The following TTLL4 variants were observed in gnomAD, a reference collection of about 807,000 sequenced individuals.
TTLL4 encodes tubulin tyrosine ligase like 4, also known as tubulin monoglutamylase TTLL4.
TTLL4 carries 85 observed loss-of-function variants against 122.7 expected under a neutral mutation model. The observed-to-expected ratio is 0.69, with a 90% confidence interval of 0.58 to 0.83. TTLL4 has a LOEUF of 0.83. TTLL4 is among the 40% of genes least tolerant of loss of function. TTLL4 has a pLI of 0.00. For missense variants in TTLL4, 1,363 were observed against 1,488.6 expected (o/e 0.92, Z 1.39); for synonymous variants, 553 against 563.0 (o/e 0.98, Z 0.25).
Position 218,722,698 on chromosome 2 carries a change from A to G in TTLL4, c.-177-4571A>G, listed in dbSNP as rs147016984. Among the ~76,000 whole-genome samples, 87 of 152,366 alleles carry G rather than the reference A, an allele frequency of 5.7e-4. No homozygotes were observed. In the East Asian group the frequency reaches 0.016, roughly 28 times the overall value. On this transcript the variant is annotated intron_variant, in intron 1 of 19. Transcript: ENST00000392102. ...GATGATCTTAAGCTGTGTTTTAAAA[A>G]GAGTACTGTGTTTTGAAAAAGTAGC...
Position 218,745,711 on chromosome 2 carries a change from C to G in TTLL4, c.1807C>G (p.Gln603Glu), listed in dbSNP as rs1317164832. The change falls in exon 7 of 20, where the codon CAG (glutamine) becomes GAG (glutamate). Residue 603 changes from glutamine (Q) to glutamate (E), a missense_variant. Coordinates refer to ENST00000392102, the MANE Select transcript of TTLL4 (RefSeq NM_014640.5). ...CCCAGTGGAGAAACTTCCCTGGGAACAGAGGAAGTTGCTCCGATGGAAGAT... is the reference window on the plus strand; with the variant it reads ...CCCAGTGGAGAAACTTCCCTGGGAAGAGAGGAAGTTGCTCCGATGGAAGAT... ...DERVEKLPWE[Q>E]RKLLRWKMST... is the part of the protein sequence containing the mutation. 2 of 1,612,210 alleles carry G rather than the reference C, an allele frequency of 1.2e-6. No individual in the cohort carries two copies. The highest frequency in any genetic ancestry group is 3.3e-5 in the Admixed American group (2 of 59,748).
At chr2:218,749,023 C>T (rs1006482006) in intron 13 of TTLL4, 89 bp downstream of exon 13, 17 of 1,449,084 alleles carry the variant, frequency 1.2e-5, no homozygotes, top group Admixed American at 1.9e-5. Context: ...TGGACTTTGG[C>T]CATGCTGTGG....
intron 15 of TTLL4, among the ~76,000 whole-genome samples, chr2:218,751,049 G>C (rs1051756575): frequency 6.6e-6 from 1 of 152,132 alleles, no homozygotes; most frequent in African/African-American, 2.4e-5. Flanking sequence ...AGCTCTTTGG[G>C]ATTAAGTAGC....
intron 8 of TTLL4, 46 bp downstream of exon 8, chr2:218,746,277 G>A (rs755556294): frequency 2.5e-6 from 4 of 1,601,212 alleles, no homozygotes; most frequent in East Asian, 4.5e-5. Context: ...TTTGGACTAG[G>A]CCAAGAGGAG....
At chr2:218,746,749 T>C in intron 8 of TTLL4, 1 of 522,164 alleles carries the variant, frequency 1.9e-6, no homozygotes, top group Non-Finnish European at 3.4e-6. Context: ...TGGATAAAGA[T>C]GTAATAGCTT....
intron 5 of TTLL4, among the ~76,000 whole-genome samples, chr2:218,743,037 G>A (rs1486448686): frequency 1.3e-5 from 2 of 151,998 alleles, no homozygotes; most frequent in Admixed American, 6.6e-5. Context: ...CCAGCTACTC[G>A]GGAGGCTGAG....
intron 2 of TTLL4, among the ~76,000 whole-genome samples, chr2:218,735,934 G>A (rs1447220423): frequency 6.8e-6 from 1 of 146,122 alleles, no homozygotes; most frequent in East Asian, 2.0e-4. Flanking sequence ...CTCCCAAAGT[G>A]CTGGGATTAC....
chr2:218,742,001 C>G (rs1354834427), intron 5 of TTLL4, among the ~76,000 whole-genome samples: 4 of 152,112 alleles, frequency 2.6e-5, no homozygotes, highest in Admixed American at 6.6e-5. Flanking sequence ...TGCTCTGTTG[C>G]CCAGGCTAGA....
intron 1 of TTLL4, among the ~76,000 whole-genome samples, chr2:218,723,096 TTCCCC>T (rs1942092281): frequency 6.6e-6 from 1 of 152,248 alleles, no homozygotes; most frequent in South Asian, 2.1e-4. Flanking sequence ...TTCTCTCACT[TTCCCC>T]TAGCATGACT....
At position 218,752,809 on chromosome 2, in the gene TTLL4, G is replaced by A. The variant is rs377347204; in HGVS notation, c.3023G>A (p.Arg1008Gln). ...GATGTCCTGACACCAGATGATGTTC[G>A]GATTCTGGTTGAGATGGAAGATGAG... ...VLDVLTPDDV[R>Q]ILVEMEDEFS... The change falls in exon 17 of 20, where the codon CGG becomes CAG. Residue 1008 changes from arginine to glutamine, a missense_variant. Coordinates refer to ENST00000392102, the MANE Select transcript of TTLL4 (RefSeq NM_014640.5). The A allele has an allele frequency of 2.7e-5, 44 of 1,613,998 alleles. No homozygotes were observed. Among genetic ancestry groups the A allele is most frequent in the African/African-American group, 5.3e-5 (4 of 74,888 alleles).
At chr2:218,728,055 A>G (rs961713146) in intron 2 of TTLL4, 1 of 143,094 alleles carries the variant, frequency 7.0e-6, no homozygotes, top group Non-Finnish European at 1.5e-5. Flanking sequence ...ACTAGATGGC[A>G]TCTTGGCCCC....
chr2:218,724,505 T>A (rs1349235719), intron 1 of TTLL4, among the ~76,000 whole-genome samples: 1 of 152,210 alleles, frequency 6.6e-6, no homozygotes, highest in African/African-American at 2.4e-5. Flanking sequence ...AACTCCCACT[T>A]ATGAGTGAGA....
intron 1 of TTLL4, among the ~76,000 whole-genome samples, chr2:218,716,946 A>T (rs1415816775): frequency 6.6e-6 from 1 of 152,160 alleles, no homozygotes; most frequent in Admixed American, 6.5e-5. Context: ...CTTTTGCTCT[A>T]TCAGTGGAAA....
chr2:218,749,827 GC>G (rs1942968578), intron 14 of TTLL4, among the ~76,000 whole-genome samples, 181 bp from the exon 15 acceptor site: 1 of 152,130 alleles, frequency 6.6e-6, no homozygotes, highest in African/African-American at 2.4e-5. Context: ...AAGGTCATGG[GC>G]AGGTTATTCA....
chr2:218,729,768 A>AAAAAAC (rs1182930694), intron 2 of TTLL4, among the ~76,000 whole-genome samples: 10 of 148,362 alleles, frequency 6.7e-5, no homozygotes, highest in Non-Finnish European at 1.5e-4. Flanking sequence ...AAAAACAAAA[A>AAAAAAC]AAAAAAAAAC....
At chr2:218,758,622 C>T (rs2106471735), downstream of TTLL4, among the ~76,000 whole-genome samples, 1 of 152,074 alleles carries the variant, frequency 6.6e-6, no homozygotes, top group Middle Eastern at 3.4e-3. Flanking sequence ...CATTAGCAGT[C>T]AGAGAAGAGC....
At chr2:218,743,311 CAT>C (rs1307690969) in intron 5 of TTLL4, among the ~76,000 whole-genome samples, 1 of 152,178 alleles carries the variant, frequency 6.6e-6, no homozygotes, top group Non-Finnish European at 1.5e-5. Context: ...CACCTTTTGA[CAT>C]TGACGTTTTT....
intron 2 of TTLL4, among the ~76,000 whole-genome samples, chr2:218,731,620 CA>C (rs766975347): frequency 4.6e-5 from 7 of 152,190 alleles, no homozygotes; most frequent in Non-Finnish European, 8.8e-5. Context: ...TACCTTGCTG[CA>C]AACGTTTACT....
At chr2:218,745,857 G>T in intron 7 of TTLL4, 56 bp downstream of exon 7, 1 of 1,491,834 alleles carries the variant, frequency 6.7e-7, no homozygotes, top group African/African-American at 1.4e-5. Flanking sequence ...GATGGGCTTT[G>T]CATAGGGGGA....
Sources: allele counts gnomAD v4.1 joint callset (sites outside exome capture counted in the v4.1 genomes callset), GRCh38; gene constraint gnomAD v4.1.1; transcripts MANE v1.5; gene names NCBI Gene and HGNC (gene_info 2026-07-23, HGNC 2026-07-21).